NSMCE1: variants seen among roughly 807,000 people sequenced by gnomAD.
The protein encoded by NSMCE1 is NSE1 component of SMC5/6 complex, also known as non-structural maintenance of chromosomes element 1 homolog.
In NSMCE1, 18 loss-of-function variants were observed where a neutral mutation model predicts 29.6. The ratio of observed to expected loss-of-function variants is 0.61; its 90% CI spans 0.42 to 0.90. The LOEUF (loss-of-function observed/expected upper bound fraction) is 0.90. Among genes scored for constraint, NSMCE1 ranks in the 40% least tolerant of loss-of-function variants. The pLI, the probability that NSMCE1 is intolerant of heterozygous loss-of-function variation, is 0.00. For synonymous variants in NSMCE1, 124 were observed against 133.4 expected (o/e 0.93, Z 0.49); for missense variants, 314 against 343.6 (o/e 0.91, Z 0.68).
Position 27,225,758 on chromosome 16 carries a change from T to G in NSMCE1, c.689A>C (p.His230Pro). ...FQSNAEPRCP[H>P]CNDYWPHEIP... The stretch of plus-strand genomic sequence containing the variant: ...CTCGTGGGGCCAGTAGTCGTTGCAG[T>G]GGGGGCAGCGCGGTTCAGCATTCGA... Residue 230 changes from histidine (H) to proline (P), a missense_variant, in exon 7 of 8, where the codon CAC becomes CCC. Physicochemically the swap from His to Pro is moderately conservative, Grantham distance 77 (BLOSUM62 -2). Coordinates refer to ENST00000361439, the MANE Select transcript of NSMCE1 (RefSeq NM_145080.4). 1 of 1,613,994 alleles carries G rather than the reference T, an allele frequency of 6.2e-7. No individual in the cohort carries two copies. The highest frequency in any genetic ancestry group is 8.5e-7 in the Non-Finnish European group (1 of 1,179,994).
Position 27,225,154 on chromosome 16 carries a change from T to C in NSMCE1, c.*3A>G, listed in dbSNP as rs373062939. ...CAGCCAGCCCCTCAGCAGGGCACGATGGCTAATGCTGCCTGGACCGCAGGG... is the reference window on the plus strand; with the variant it reads ...CAGCCAGCCCCTCAGCAGGGCACGACGGCTAATGCTGCCTGGACCGCAGGG... On this transcript the variant is annotated 3_prime_UTR_variant, in exon 8 of 8. Transcript: ENST00000361439. The C allele has an allele frequency of 3.6e-5, 57 of 1,583,402 alleles. No homozygotes were observed. The African/African-American group carries it at 5.0e-4, about 14-fold the overall frequency.
chr16:27,234,391 C>T (rs34939984), intron 3 of NSMCE1, 126 bp from the exon 4 acceptor site: 242,066 of 718,284 alleles, frequency 0.34, 42,499 homozygotes, highest in East Asian at 0.46. Context: ...CCAGGCACTG[C>T]GGGCCGCAGG....
At chr16:27,245,449 G>A (rs1459524312) in intron 2 of NSMCE1, among the ~76,000 whole-genome samples, 4 of 152,312 alleles carry the variant, frequency 2.6e-5, no homozygotes, top group Admixed American at 6.5e-5. Context: ...TTAGGGGAGC[G>A]TGAAGCGCAC....
chr16:27,251,523 T>C (rs1201421402), intron 2 of NSMCE1, among the ~76,000 whole-genome samples: 2 of 152,132 alleles, frequency 1.3e-5, no homozygotes, highest in African/African-American at 2.4e-5. Flanking sequence ...TTTGCCACAG[T>C]TGGGTTTAGC....
chr16:27,257,899 C>T (rs1237094243), intron 1 of NSMCE1, among the ~76,000 whole-genome samples: 1 of 152,126 alleles, frequency 6.6e-6, no homozygotes, highest in Non-Finnish European at 1.5e-5. Context: ...ATGATAGAAA[C>T]GTCCTCTGCA....
At chr16:27,257,772 TGGATTCTGGAGCTAGAATGCCG>T (rs984255299) in intron 1 of NSMCE1, among the ~76,000 whole-genome samples, 191 bp from the exon 2 acceptor site, 22 of 152,062 alleles carry the variant, frequency 1.4e-4, no homozygotes, top group African/African-American at 5.3e-4. Flanking sequence ...GTAAGAGGTG[TGGATTCTGGAGCTAGAATGCCG>T]GGATTCAGGG....
At chr16:27,241,795 TCA>T in intron 2 of NSMCE1, 1 of 448,038 alleles carries the variant, frequency 2.2e-6, no homozygotes, top group Non-Finnish European at 4.5e-6. Context: ...GCGCCGCTCC[TCA>T]CCTCTCAGCA....
At chr16:27,240,588 G>A (rs1010816703) in intron 2 of NSMCE1, among the ~76,000 whole-genome samples, 1 of 152,322 alleles carries the variant, frequency 6.6e-6, no homozygotes, top group East Asian at 1.9e-4. Context: ...AGACCCTGGA[G>A]CGAACAGAGC....
At chr16:27,249,908 C>A (rs1002308659) in intron 2 of NSMCE1, among the ~76,000 whole-genome samples, 4 of 152,200 alleles carry the variant, frequency 2.6e-5, no homozygotes, top group African/African-American at 9.7e-5. Context: ...CTATGTCTTT[C>A]CACTTATTTA....
chr16:27,257,281 A>C, intron 2 of NSMCE1, 154 bp downstream of exon 2: 1 of 556,448 alleles, frequency 1.8e-6, no homozygotes, highest in Non-Finnish European at 2.9e-6. Flanking sequence ...GTGGAAGATG[A>C]AATTAGAAAG....
chr16:27,253,118 A>G (rs2084052179), intron 2 of NSMCE1, among the ~76,000 whole-genome samples: 1 of 152,128 alleles, frequency 6.6e-6, no homozygotes, highest in South Asian at 2.1e-4. Flanking sequence ...TTATAAAAAA[A>G]CCACGTAAGT....
rs779774536 is a variant in NSMCE1 at position 27,234,171 on chromosome 16, G to C, written c.336+17C>G. 1 of 1,560,372 alleles carries C rather than the reference G, an allele frequency of 6.4e-7. No individual in the cohort carries two copies. The highest frequency in any genetic ancestry group is 2.2e-5 in the East Asian group (1 of 44,606). On this transcript the variant is annotated intron_variant, in intron 4 of 7. Transcript: ENST00000361439. ...TAAGAAGCCCACCCAATGGGCAATG[G>C]GGATTACTCTACTTACAGCCTTTCT...
intron 1 of NSMCE1, among the ~76,000 whole-genome samples, chr16:27,262,805 C>T (rs984048231): frequency 3.3e-5 from 5 of 152,100 alleles, no homozygotes; most frequent in African/African-American, 1.2e-4. Flanking sequence ...AGTAAACAGA[C>T]AACCTACAGA....
chr16:27,259,997 G>C (rs1040847922), intron 1 of NSMCE1, among the ~76,000 whole-genome samples: 4 of 152,144 alleles, frequency 2.6e-5, no homozygotes, highest in African/African-American at 9.7e-5. Context: ...ACCAGCAGGT[G>C]CTCCCTAAAG....
chr16:27,228,489 C>T (rs2140985742), intron 5 of NSMCE1, among the ~76,000 whole-genome samples: 1 of 152,038 alleles, frequency 6.6e-6, no homozygotes, highest in South Asian at 2.1e-4. Flanking sequence ...CCACCGCCCT[C>T]TTCCAGCCTC....
At chr16:27,245,446 AG>A (rs2141000462) in intron 2 of NSMCE1, among the ~76,000 whole-genome samples, 1 of 152,314 alleles carries the variant, frequency 6.6e-6, no homozygotes, top group South Asian at 2.1e-4. Flanking sequence ...TGCTTAGGGG[AG>A]CGTGAAGCGC....
intron 1 of NSMCE1, among the ~76,000 whole-genome samples, chr16:27,261,823 T>G (rs904568350): frequency 3.3e-5 from 5 of 152,234 alleles, no homozygotes; most frequent in African/African-American, 1.2e-4. Context: ...AGCAAAATGC[T>G]AACAAACTTA....
intron 2 of NSMCE1, among the ~76,000 whole-genome samples, chr16:27,236,851 C>T (rs913129633): frequency 2.6e-5 from 4 of 152,226 alleles, no homozygotes; most frequent in South Asian, 2.1e-4. Context: ...AGGGACTAAA[C>T]GAAGGGTCAT....
chr16:27,264,091 C>T (rs568942989), intron 1 of NSMCE1, among the ~76,000 whole-genome samples: 272 of 152,254 alleles, frequency 1.8e-3, no homozygotes, highest in African/African-American at 6.2e-3. Context: ...TTGCTGGGCG[C>T]GATGGCTCAT....
Sources: gnomAD v4.1 joint callset for allele counts (sites outside exome capture counted in the v4.1 genomes callset) on GRCh38, gnomAD v4.1.1 for gene constraint, MANE v1.5 for transcripts, NCBI Gene and HGNC (gene_info 2026-07-23, HGNC 2026-07-21) for gene names.